EBF3: variants seen among roughly 807,000 people sequenced by gnomAD.
EBF3 encodes transcription factor COE3.
A neutral mutation model predicts 77.1 loss-of-function variants in EBF3; 18 were observed. That is an observed-to-expected ratio of 0.23 (90% CI 0.16 to 0.35). The LOEUF is 0.35. EBF3 is among the 10% of genes least tolerant of loss of function. The probability of loss-of-function intolerance (pLI) is 1.00; values close to 1 mark genes in which losing one functional copy is unlikely to be tolerated. For missense variants in EBF3, 558 were observed against 860.0 expected (o/e 0.65, Z 4.39); for synonymous variants, 350 against 343.5 (o/e 1.02, Z -0.21).
intron 10 of EBF3, among the ~76,000 whole-genome samples, chr10:129,862,012 T>C (rs1851673441): frequency 6.6e-6 from 1 of 152,086 alleles, no homozygotes; most frequent in Non-Finnish European, 1.5e-5. Context: ...CATGAGTGCT[T>C]TCACAAGGGG....
In EBF3 at chr10:129,947,684, TG is replaced by T. The variant is rs1858330738; in HGVS notation, c.554+9573del. 6.9e-6 allele frequency among the ~76,000 whole-genome samples: 1 copy of T among 145,798 alleles called. No homozygotes were observed. The highest frequency in any genetic ancestry group is 2.0e-4 in the East Asian group (1 of 5,088). Reference sequence around the variant, plus strand: ...TTCTTTGCAAAGGAACCAAATGCTTTGAAAAAAAAAAAAAAAGAAGGGCAGG... The same window carrying T: ...TTCTTTGCAAAGGAACCAAATGCTTTAAAAAAAAAAAAAAAGAAGGGCAGG... On this transcript the variant is annotated intron_variant, in intron 6 of 16. Transcript: ENST00000440978. This position sits in a 1 kb window ranked among gnomAD's most constrained non-coding sequence, Gnocchi z 4.5.
intron 6 of EBF3, among the ~76,000 whole-genome samples, chr10:129,900,400 G>T (rs1854696610): frequency 6.6e-6 from 1 of 152,194 alleles, no homozygotes; most frequent in Admixed American, 6.5e-5. Context: ...TGGGGGGTAG[G>T]AGGGGGCTGG....
rs147720405 is a variant in EBF3, at chr10:129,879,879, G to A, written c.555-2030C>T. ...TCAGGCAATTAGGTTTTCACTTCGG[G>A]GACAGCAACACGGTGCAATTACACC... On this transcript the variant is annotated intron_variant, in intron 6 of 16. Coordinates refer to ENST00000440978, the MANE Select transcript of EBF3 (RefSeq NM_001375380.1). The surrounding 1 kb of genome is among the most constrained non-coding windows in gnomAD (Gnocchi z 4.7). Among the ~76,000 whole-genome samples, 290 of 152,190 alleles carry A rather than the reference G, an allele frequency of 1.9e-3. No homozygotes were observed. The highest frequency in any genetic ancestry group is 6.7e-3 in the African/African-American group (278 of 41,516).
chr10:129,856,518 C>A (rs926302723), intron 10 of EBF3, among the ~76,000 whole-genome samples: 2 of 152,030 alleles, frequency 1.3e-5, no homozygotes, highest in African/African-American at 4.8e-5. Flanking sequence ...TAGGAAATAT[C>A]TGGAACAAGC....
At chr10:129,895,635 C>A (rs117776010) in intron 6 of EBF3, among the ~76,000 whole-genome samples, 3,317 of 152,240 alleles carry the variant, frequency 0.022, 57 homozygotes, top group Non-Finnish European at 0.032. Flanking sequence ...TCCTGAGGAC[C>A]CTGGTAGGGG....
chr10:129,861,702 T>G lies in EBF3; in HGVS notation c.1039+5439A>C, dbSNP rs2134045114. 6.6e-6 allele frequency among the ~76,000 whole-genome samples: 1 copy of G among 152,214 alleles called. No individual in the cohort carries two copies. Among genetic ancestry groups the G allele is most frequent in the East Asian group, 1.9e-4 (1 of 5,166 alleles). On this transcript the variant is annotated intron_variant, in intron 10 of 16. Transcript: ENST00000440978. The surrounding 1 kb of genome is among the most constrained non-coding windows in gnomAD (Gnocchi z 4.3). ...GGGGGCCCCTGGCCACACCACGGGATGATGAGAGTCACTGACAGAATTGAG... is the reference window on the plus strand; with the variant it reads ...GGGGGCCCCTGGCCACACCACGGGAGGATGAGAGTCACTGACAGAATTGAG...
At position 129,840,376 on chromosome 10, in the gene EBF3, T is replaced by C. The variant is rs1213309124; in HGVS notation, c.1628A>G (p.His543Arg). 3.9e-6 allele frequency: 6 copies of C among 1,556,498 alleles called. No homozygotes were observed. Among genetic ancestry groups the C allele is most frequent in the Non-Finnish European group, 5.2e-6 (6 of 1,149,222 alleles). The change falls in exon 15 of 17, where the codon CAC (histidine) becomes CGC (arginine). Residue 543 changes from histidine (H) to arginine (R), a missense_variant. Physicochemically the swap from His to Arg is conservative, Grantham distance 29 (BLOSUM62 0). Around this residue, in one of 5 missense-constraint regions of EBF3, gnomAD observed 284 missense variants for 368.3 expected, o/e 0.77. Transcript: ENST00000440978. The part of the protein sequence containing the change: ...VTLPSNCSST[H>R]GIFSFSPANV... ...GGCAGGTGAGAATGAGAAAATGCCG[T>C]GTGTGCTGCTACAGTTTGAAGGGAG...
In EBF3 at chr10:129,926,490, C is replaced by T. The variant is rs570411979; in HGVS notation, c.554+30768G>A. Among the ~76,000 whole-genome samples the T allele has an allele frequency of 2.0e-5, 3 of 152,250 alleles. No homozygotes were observed. In the South Asian group the frequency reaches 6.2e-4, roughly 32 times the overall value. ...GGGCTGAAACTCTTAGGACAATCCG[C>T]GGTGCATGGACCACTCAGCCCAAAG... On this transcript the variant is annotated intron_variant, in intron 6 of 16. Transcript: ENST00000440978.
At chr10:129,839,773 C>A (rs906284547) in intron 15 of EBF3, among the ~76,000 whole-genome samples, 11 of 152,218 alleles carry the variant, frequency 7.2e-5, no homozygotes, top group African/African-American at 2.7e-4. Flanking sequence ...AGCATGGTGC[C>A]CCGCCATTCC....
intron 6 of EBF3, among the ~76,000 whole-genome samples, chr10:129,926,996 C>T (rs1165168960): frequency 6.6e-6 from 1 of 152,220 alleles, no homozygotes; most frequent in Non-Finnish European, 1.5e-5. Context: ...ACCGTGGCCC[C>T]AGGAACCGCT....
At position 129,897,273 on chromosome 10, in the gene EBF3, T is replaced by C. The variant is rs1384773614; in HGVS notation, c.555-19424A>G. On this transcript the variant is annotated intron_variant, in intron 6 of 16. Transcript: ENST00000440978. This position sits in a 1 kb window ranked among gnomAD's most constrained non-coding sequence, Gnocchi z 4.6. ...CACCTCTAGTCCACTTGGGCCCCAC[T>C]TTCCTGCAGGGACCTAGGAGGGTTG... Among the ~76,000 whole-genome samples, 1 of 152,164 alleles carries C rather than the reference T, an allele frequency of 6.6e-6. No individual in the cohort carries two copies. The highest frequency in any genetic ancestry group is 2.4e-5 in the African/African-American group (1 of 41,456).
intron 6 of EBF3, among the ~76,000 whole-genome samples, chr10:129,930,426 C>A (rs1856929512): frequency 6.6e-6 from 1 of 150,622 alleles, no homozygotes; most frequent in Non-Finnish European, 1.5e-5. Context: ...ACTAACAAAT[C>A]CCCCTCTCAT....
chr10:129,964,081 C>A lies in EBF3; in HGVS notation c.-313G>T. 1.0e-6 allele frequency: 1 copy of A among 985,138 alleles called. No homozygotes were observed. The highest frequency in any genetic ancestry group is 1.1e-4 in the East Asian group (1 of 8,784). 61.0% of individuals were successfully genotyped at this position (985,138 alleles called of 1,614,324 possible). On this transcript the variant is annotated 5_prime_UTR_variant, in exon 1 of 17. Transcript: ENST00000440978. The surrounding 1 kb of genome is among the most constrained non-coding windows in gnomAD (Gnocchi z 4.5). ...CGCGCTCAACGTGGTGTCATCCTAGCCAGGCGGCGTCCGCGGCTGCAGGAC... is the reference window on the plus strand; with the variant it reads ...CGCGCTCAACGTGGTGTCATCCTAGACAGGCGGCGTCCGCGGCTGCAGGAC...
intron 6 of EBF3, among the ~76,000 whole-genome samples, chr10:129,882,523 C>T (rs1853278909): frequency 6.6e-6 from 1 of 152,198 alleles, no homozygotes; most frequent in Non-Finnish European, 1.5e-5. Flanking sequence ...GGCCATGGGG[C>T]TCTAGTGGGT....
intron 6 of EBF3, among the ~76,000 whole-genome samples, chr10:129,901,884 C>T (rs1260756013): frequency 1.3e-5 from 2 of 152,218 alleles, no homozygotes; most frequent in Admixed American, 6.5e-5. Flanking sequence ...CTGCAGCTTC[C>T]CAACCTGTGT....
At chr10:129,925,141 T>G (rs939020054) in intron 6 of EBF3, among the ~76,000 whole-genome samples, 1 of 152,046 alleles carries the variant, frequency 6.6e-6, no homozygotes, top group African/African-American at 2.4e-5. Flanking sequence ...TTGCAGTTTT[T>G]GCCATTGAAA....
At chr10:129,865,717 T>C (rs900287899) in intron 10 of EBF3, among the ~76,000 whole-genome samples, 9 of 152,218 alleles carry the variant, frequency 5.9e-5, no homozygotes, top group African/African-American at 1.4e-4. Flanking sequence ...TTGCCTTTCT[T>C]GCTCACTCCG....
intron 3 of EBF3, 80 bp downstream of exon 3, chr10:129,962,862 C>T: frequency 2.6e-6 from 4 of 1,531,084 alleles, no homozygotes; most frequent in South Asian, 2.3e-5. Context: ...ATTTTAATCT[C>T]AAATCTTTAT....
At chr10:129,934,438 C>G (rs1022501364) in intron 6 of EBF3, among the ~76,000 whole-genome samples, 3 of 151,960 alleles carry the variant, frequency 2.0e-5, no homozygotes, top group Non-Finnish European at 2.9e-5. Flanking sequence ...ACCAGTGGCT[C>G]TAACTAAGGC....
Sources: gnomAD v4.1 joint callset for allele counts (sites outside exome capture counted in the v4.1 genomes callset) on GRCh38, gnomAD v4.1.1 for gene constraint, gnomAD v4.1.1 regional missense constraint, Gnocchi (gnomAD v3.1) non-coding constraint, MANE v1.5 for transcripts, NCBI Gene and HGNC (gene_info 2026-07-23, HGNC 2026-07-21) for gene names.